Variants in NDRG3 observed in about 807,000 individuals in gnomAD.
NDRG3 encodes the protein protein NDRG3.
A neutral mutation model predicts 57.2 loss-of-function variants in NDRG3; 23 were observed. The ratio of observed to expected loss-of-function variants is 0.40; its 90% CI spans 0.29 to 0.57. The LOEUF is 0.57. NDRG3 is among the 20% of genes least tolerant of loss of function. The pLI is 0.42. For missense variants in NDRG3, 384 were observed against 457.3 expected, an observed-to-expected ratio of 0.84 and a Z score of 1.46; for synonymous variants, 132 against 162.6, an observed-to-expected ratio of 0.81 and a Z score of 1.43.
intron 3 of NDRG3, among the ~76,000 whole-genome samples, chr20:36,699,993 G>A (rs1005519310): frequency 2.6e-5 from 4 of 151,582 alleles, no homozygotes; most frequent in South Asian, 2.1e-4. Context: ...GGAGGCAAGC[G>A]CCTGTAATCC....
intron 1 of NDRG3, among the ~76,000 whole-genome samples, chr20:36,739,676 A>C (rs1985821347): frequency 6.6e-6 from 1 of 151,742 alleles, no homozygotes; most frequent in African/African-American, 2.4e-5. Context: ...TAATCCCAGC[A>C]CTTTGGGAGG....
chr20:36,742,897 G>A (rs1985986576), intron 1 of NDRG3, among the ~76,000 whole-genome samples: 1 of 152,102 alleles, frequency 6.6e-6, no homozygotes, highest in Non-Finnish European at 1.5e-5. Flanking sequence ...TTTAAATAAA[G>A]AATCTATGCA....
At chr20:36,654,143 C>T (rs567366653) in intron 15 of NDRG3, among the ~76,000 whole-genome samples, 5 of 152,326 alleles carry the variant, frequency 3.3e-5, no homozygotes, top group African/African-American at 9.6e-5. Context: ...GACTACCATC[C>T]GTGTCCACAG....
chr20:36,738,867 T>C (rs1226383133), intron 1 of NDRG3, among the ~76,000 whole-genome samples: 1 of 147,966 alleles, frequency 6.8e-6, no homozygotes, highest in Non-Finnish European at 1.5e-5. Context: ...CTCATGCCTG[T>C]AATCCCAGCA....
intron 3 of NDRG3, among the ~76,000 whole-genome samples, chr20:36,697,970 T>C (rs544528408): frequency 7.6e-5 from 11 of 145,610 alleles, no homozygotes; most frequent in South Asian, 2.2e-4. Flanking sequence ...TTTCTTTTTT[T>C]TTTTTTTTTT....
At chr20:36,727,536 T>C (rs1985013655) in intron 1 of NDRG3, among the ~76,000 whole-genome samples, 1 of 150,242 alleles carries the variant, frequency 6.7e-6, no homozygotes, top group Non-Finnish European at 1.5e-5. Flanking sequence ...TCTTTCTTTT[T>C]TCTTTTCTTT....
intron 1 of NDRG3, among the ~76,000 whole-genome samples, chr20:36,738,512 A>AT (rs1194416574): frequency 6.6e-6 from 1 of 151,986 alleles, no homozygotes; most frequent in Non-Finnish European, 1.5e-5. Flanking sequence ...CAAAAAAAAA[A>AT]AGCAACACCT....
intron 1 of NDRG3, among the ~76,000 whole-genome samples, chr20:36,722,006 C>T (rs1346144703): frequency 6.6e-6 from 1 of 152,176 alleles, no homozygotes. Context: ...TGAGTGTGCG[C>T]AGGGCCTGTG....
rs1420603909 is a variant in NDRG3 at position 36,733,162 on chromosome 20, AAAAAAAAAAATATATATATATATAT to A, written c.-48-11404_-48-11380del. ...ATCCTGTCTCAAAAAAAAAAAAAAA[AAAAAAAAAAATATATATATATATAT>A]ATATATATATATATATGCACATATA... On this transcript the variant is annotated intron_variant, in intron 1 of 15. Coordinates refer to ENST00000349004, the MANE Select transcript of NDRG3 (RefSeq NM_032013.4). Among the ~76,000 whole-genome samples the A allele has an allele frequency of 4.5e-3, 235 of 52,054 alleles. 8 individuals carry two copies. Among genetic ancestry groups the A allele is most frequent in the Non-Finnish European group, 5.3e-3 (142 of 26,854 alleles). 34.1% of individuals were successfully genotyped at this position (52,054 alleles called of 152,430 possible).
intron 2 of NDRG3, among the ~76,000 whole-genome samples, chr20:36,716,696 C>A (rs1984300821): frequency 6.6e-6 from 1 of 152,154 alleles, no homozygotes; most frequent in East Asian, 1.9e-4. Context: ...TCAAGCCTCA[C>A]CTTTGGCTTT....
chr20:36,715,722 T>C (rs1367330103), intron 2 of NDRG3, among the ~76,000 whole-genome samples: 19 of 151,222 alleles, frequency 1.3e-4, no homozygotes, highest in Non-Finnish European at 1.9e-4. Flanking sequence ...GAGGCTAAGG[T>C]AGCCTCCCAA....
chr20:36,665,344 C>T (rs1979535202), intron 10 of NDRG3, 43 bp from the exon 11 acceptor site: 10 of 1,565,466 alleles, frequency 6.4e-6, no homozygotes, highest in Admixed American at 1.7e-5. Flanking sequence ...TGGGTAAAGT[C>T]ATAGCAACTC....
intron 8 of NDRG3, among the ~76,000 whole-genome samples, chr20:36,679,410 T>G (rs1471350921): frequency 1.3e-5 from 2 of 152,214 alleles, no homozygotes; most frequent in African/African-American, 4.8e-5. Context: ...GCACAGCAGC[T>G]TTACTCATAA....
chr20:36,715,002 GTGTGTATATATATATATATATATATA>G lies in NDRG3; in HGVS notation c.57+6651_57+6676del, dbSNP rs1437825683. On this transcript the variant is annotated intron_variant, in intron 2 of 15. Coordinates refer to ENST00000349004, the MANE Select transcript of NDRG3 (RefSeq NM_032013.4). ...TATATCTGTGTGTGTGTGTGTGTGT[GTGTGTATATATATATATATATATATA>G]TATATATATATATATATATATATAT... Among the ~76,000 whole-genome samples, 44 of 39,598 alleles carry G rather than the reference GTGTGTATATATATATATATATATATA, an allele frequency of 1.1e-3. 2 individuals are homozygous for G. The highest frequency in any genetic ancestry group is 2.4e-3 in the African/African-American group (43 of 17,894). 26.0% of individuals were successfully genotyped at this position (39,598 alleles called of 152,430 possible).
In NDRG3 at chr20:36,653,496, A is replaced by G. The variant is rs537864462; in HGVS notation, c.*24T>C. 1.9e-6 allele frequency: 3 copies of G among 1,603,988 alleles called. No homozygotes were observed. The highest frequency in any genetic ancestry group is 1.7e-5 in the Admixed American group (1 of 59,292). Reference sequence around the variant, plus strand: ...TGGTCATTTGAAGGATGGACTTGCAATGGTCCAGGGGAGGAGCATCTGCTT... The same window carrying G: ...TGGTCATTTGAAGGATGGACTTGCAGTGGTCCAGGGGAGGAGCATCTGCTT... On this transcript the variant is annotated 3_prime_UTR_variant, in exon 16 of 16. Coordinates refer to ENST00000349004, the MANE Select transcript of NDRG3 (RefSeq NM_032013.4). The surrounding 1 kb of genome is among the most constrained non-coding windows in gnomAD (Gnocchi z 4.2).
At chr20:36,678,314 T>C (rs537822369) in intron 8 of NDRG3, among the ~76,000 whole-genome samples, 351 of 151,770 alleles carry the variant, frequency 2.3e-3, no homozygotes, top group African/African-American at 8.2e-3. Flanking sequence ...GGCAAAAGAG[T>C]TGAACAAACA....
At chr20:36,685,465 C>T (rs1456432402) in intron 5 of NDRG3, among the ~76,000 whole-genome samples, 2 of 152,058 alleles carry the variant, frequency 1.3e-5, no homozygotes, top group African/African-American at 4.8e-5. Flanking sequence ...CGCATGCCAC[C>T]ATGCCTGGCT....
At chr20:36,712,581 ATATATATTTTTTTTT>A (rs1400396510) in intron 2 of NDRG3, among the ~76,000 whole-genome samples, 1 of 13,408 alleles carries the variant, frequency 7.5e-5, no homozygotes, top group Non-Finnish European at 1.6e-4. Context: ...ATATATATAT[ATATATATTTTTTTTT>A]TTTTTTTTTT....
chr20:36,683,538 A>G (rs564274589), intron 6 of NDRG3, among the ~76,000 whole-genome samples: 98 of 151,932 alleles, frequency 6.5e-4, no homozygotes, highest in Non-Finnish European at 1.2e-3. Context: ...AATCGTTTGA[A>G]CCCAGGAGGC....
Sources: gnomAD v4.1 joint callset for allele counts (sites outside exome capture counted in the v4.1 genomes callset) on GRCh38, gnomAD v4.1.1 for gene constraint, Gnocchi (gnomAD v3.1) non-coding constraint, MANE v1.5 for transcripts, NCBI Gene and HGNC (gene_info 2026-07-23, HGNC 2026-07-21) for gene names.